Variants in PGBD2 observed in about 807,000 individuals in gnomAD.
PGBD2 encodes the protein piggyBac transposable element-derived protein 2.
In PGBD2, 6 loss-of-function variants were observed where a neutral mutation model predicts 8.1. The ratio of observed to expected loss-of-function variants is 0.74; its 90% confidence interval spans 0.40 to 1.46. PGBD2 has a LOEUF of 1.46. PGBD2 is among the 40% of genes most tolerant of loss of function. PGBD2 has a pLI of 0.02. For missense variants in PGBD2, 802 were observed against 739.0 expected, an observed-to-expected ratio of 1.09 and a Z score of -0.99; for synonymous variants, 318 against 272.2, an observed-to-expected ratio of 1.17 and a Z score of -1.66.
downstream of PGBD2, among the ~76,000 whole-genome samples, chr1:248,920,537 C>G (rs372218198): frequency 1.3e-5 from 2 of 152,110 alleles, no homozygotes; most frequent in Non-Finnish European, 2.9e-5. Flanking sequence ...TTTCTTTAGT[C>G]TATTATTGAT....
chr1:248,902,368 G>C (rs758078025), upstream of PGBD2, among the ~76,000 whole-genome samples: 1 of 152,002 alleles, frequency 6.6e-6, no homozygotes, highest in Non-Finnish European at 1.5e-5. Context: ...AGGTTGCAGA[G>C]AAATCAGAAT....
the PGBD2 span, among the ~76,000 whole-genome samples, chr1:248,900,663 T>G: frequency 6.6e-6 from 1 of 152,178 alleles, no homozygotes; most frequent in African/African-American, 2.4e-5. Context: ...GTGGAAGGAA[T>G]CTTTTTAAAA....
At chr1:248,922,890 T>G (rs1480364993), downstream of PGBD2, among the ~76,000 whole-genome samples, 1 of 152,220 alleles carries the variant, frequency 6.6e-6, no homozygotes, top group East Asian at 1.9e-4. Context: ...TGCGTTGATG[T>G]TCATCAGGAA....
downstream of PGBD2, chr1:248,919,917 C>T (rs1028976430): frequency 3.9e-5 from 6 of 153,516 alleles, no homozygotes; most frequent in African/African-American, 1.2e-4. Flanking sequence ...CCTTGTCACC[C>T]AGGCTGGAAT....
chr1:248,930,107 C>G, the PGBD2 span, among the ~76,000 whole-genome samples: 3 of 152,214 alleles, frequency 2.0e-5, no homozygotes, highest in Non-Finnish European at 4.4e-5. Flanking sequence ...ATGTTACATT[C>G]TACAGGTCTT....
intron 1 of PGBD2, among the ~76,000 whole-genome samples, chr1:248,908,092 T>G (rs555251094): frequency 6.6e-6 from 1 of 152,354 alleles, no homozygotes; most frequent in South Asian, 2.1e-4. Flanking sequence ...AAAACCAGGA[T>G]ATTAACACCT....
At chr1:248,896,428 G>A in the PGBD2 span, among the ~76,000 whole-genome samples, 7 of 152,022 alleles carry the variant, frequency 4.6e-5, no homozygotes, top group African/African-American at 1.7e-4. Context: ...TCATGCATAC[G>A]TTTATCATTC....
At chr1:248,875,708 A>G in the PGBD2 span, among the ~76,000 whole-genome samples, 38 of 152,186 alleles carry the variant, frequency 2.5e-4, no homozygotes, top group African/African-American at 7.5e-4. Context: ...TCTCCAGGCC[A>G]AGGCTGTGTT....
In PGBD2 at chr1:248,917,074, T is replaced by TA; in HGVS notation, c.491dup (p.Tyr164Ter). The TA allele has an allele frequency of 6.2e-7, 1 of 1,613,836 alleles. No individual in the cohort carries two copies. Among genetic ancestry groups the TA allele is most frequent in the Non-Finnish European group, 8.5e-7 (1 of 1,179,958 alleles). ...INFIVNETNR[Y>*]AWQKNVNLSL... The stretch of plus-strand genomic sequence containing the variant: ...TTTCATTGTTAATGAAACCAATCGT[T>TA]ATGCTTGGCAGAAAAATGTCAATTT... Residue 164 changes from tyrosine (Y) to a stop codon, truncating the protein, a stop_gained and frameshift_variant, in exon 3 of 3, where the codon TAT becomes TAAT. Coordinates refer to ENST00000329291, the MANE Select transcript of PGBD2 (RefSeq NM_170725.3). LOFTEE classifies it low-confidence loss of function (END_TRUNC).
chr1:248,873,881 G>C, the PGBD2 span, among the ~76,000 whole-genome samples: 1 of 152,206 alleles, frequency 6.6e-6, no homozygotes, highest in Non-Finnish European at 1.5e-5. Context: ...GGTCTAAGGC[G>C]CCAGACTCAA....
At chr1:248,906,707 G>A (rs1197384295) in intron 1 of PGBD2, among the ~76,000 whole-genome samples, 1 of 151,346 alleles carries the variant, frequency 6.6e-6, no homozygotes, top group African/African-American at 2.4e-5. Context: ...TGAGGCTGGC[G>A]GCGGGACTGC....
At chr1:248,897,357 C>T in the PGBD2 span, among the ~76,000 whole-genome samples, 1 of 151,698 alleles carries the variant, frequency 6.6e-6, no homozygotes, top group Non-Finnish European at 1.5e-5. Context: ...AGGGTGGATG[C>T]GTCAGGTTAT....
Position 248,918,944 on chromosome 1 carries a change from A to AT in PGBD2, c.*588dup, listed in dbSNP as rs1662220437. On this transcript the variant is annotated 3_prime_UTR_variant, in exon 3 of 3. Transcript: ENST00000329291. Reference sequence around the variant, plus strand: ...GAGATTCATTTTTGTAAAAAAAATTATTTTTTTAATTTTGTGGGTACATAG... The same window carrying AT: ...GAGATTCATTTTTGTAAAAAAAATTATTTTTTTTAATTTTGTGGGTACATAG... 4 of 167,098 alleles carry AT rather than the reference A, an allele frequency of 2.4e-5. No homozygotes were observed. Among genetic ancestry groups the AT allele is most frequent in the Admixed American group, 2.0e-4 (3 of 15,286 alleles). The allele number at this position is 167,098 out of a possible 1,614,324, so 10.4% of individuals were successfully genotyped here.
chr1:248,898,338 G>T, the PGBD2 span, among the ~76,000 whole-genome samples: 1 of 152,188 alleles, frequency 6.6e-6, no homozygotes, highest in African/African-American at 2.4e-5. Context: ...CTTGAATCAG[G>T]TCAATGTTCC....
the PGBD2 span, among the ~76,000 whole-genome samples, chr1:248,925,823 A>T: frequency 6.6e-6 from 1 of 151,992 alleles, no homozygotes; most frequent in Non-Finnish European, 1.5e-5. Context: ...CCAGCGGGGG[A>T]GTTCCAAGGC....
chr1:248,883,023 T>C, the PGBD2 span, among the ~76,000 whole-genome samples: 1 of 152,244 alleles, frequency 6.6e-6, no homozygotes. Flanking sequence ...TGTCAATTTG[T>C]ATATAGCTAA....
intron 1 of PGBD2, among the ~76,000 whole-genome samples, chr1:248,906,758 G>A (rs996674158): frequency 6.6e-6 from 1 of 152,158 alleles, no homozygotes; most frequent in Admixed American, 6.5e-5. Flanking sequence ...GCTCTGTGCC[G>A]GGGCGCGCTG....
upstream of PGBD2, among the ~76,000 whole-genome samples, chr1:248,906,026 A>C (rs948876773): frequency 6.6e-6 from 1 of 152,140 alleles, no homozygotes; most frequent in Non-Finnish European, 1.5e-5. Context: ...CCAAAGTAGG[A>C]CAGGGGTGGG....
upstream of PGBD2, among the ~76,000 whole-genome samples, chr1:248,901,316 G>A (rs1306582612): frequency 2.6e-5 from 4 of 152,102 alleles, no homozygotes; most frequent in Non-Finnish European, 5.9e-5. Flanking sequence ...AAAGCTGGAG[G>A]CATCAGGGTA....
Sources: allele counts gnomAD v4.1 joint callset (sites outside exome capture counted in the v4.1 genomes callset), GRCh38; gene constraint gnomAD v4.1.1; transcripts MANE v1.5; gene names NCBI Gene and HGNC (gene_info 2026-07-23, HGNC 2026-07-21).